Variants in CENPC observed in about 807,000 individuals in gnomAD.
The protein encoded by CENPC is CENP-C 1.
CENPC carries 63 observed loss-of-function variants against 112.1 expected under a neutral mutation model. The observed-to-expected ratio is 0.56, with a 90% CI of 0.46 to 0.69. The LOEUF (loss-of-function observed/expected upper bound fraction) is 0.69. Among genes scored for constraint, CENPC ranks in the 30% least tolerant of loss-of-function variants. CENPC has a pLI of 0.00. For synonymous variants in CENPC, 333 were observed against 367.6 expected (o/e 0.91, Z 1.08); for missense variants, 1,000 against 1,103.8 (o/e 0.91, Z 1.33).
At chr4:67,503,205 T>C (rs570155436) in intron 12 of CENPC, among the ~76,000 whole-genome samples, 6 of 152,196 alleles carry the variant, frequency 3.9e-5, no homozygotes, top group Non-Finnish European at 8.8e-5. Flanking sequence ...TCGTTCGCTC[T>C]CTTCCTCTGC....
chr4:67,512,717 C>A, intron 8 of CENPC, 148 bp from the exon 9 acceptor site: 2 of 579,346 alleles, frequency 3.5e-6, no homozygotes, highest in Non-Finnish European at 5.7e-6. Flanking sequence ...GTCACATGTT[C>A]TCTTTCTGTC....
intron 4 of CENPC, among the ~76,000 whole-genome samples, chr4:67,534,115 T>C (rs951456237): frequency 1.3e-5 from 2 of 150,918 alleles, no homozygotes; most frequent in African/African-American, 4.9e-5. Flanking sequence ...AAAAATTGTG[T>C]ATAGCAAGTA....
At chr4:67,509,251 CACACAT>C (rs1427003319) in intron 9 of CENPC, 146 bp from the exon 10 acceptor site, 9 of 376,044 alleles carry the variant, frequency 2.4e-5, no homozygotes, top group African/African-American at 1.8e-4. Flanking sequence ...CACACACACA[CACACAT>C]CTCAGGCTAA....
chr4:67,516,475 T>C (rs935065461), intron 7 of CENPC, among the ~76,000 whole-genome samples: 1 of 152,054 alleles, frequency 6.6e-6, no homozygotes, highest in African/African-American at 2.4e-5. Context: ...TATGTTTTTC[T>C]CTTTTAATTA....
chr4:67,517,374 C>G (rs1343526407), intron 7 of CENPC, among the ~76,000 whole-genome samples: 1 of 150,376 alleles, frequency 6.6e-6, no homozygotes, highest in African/African-American at 2.5e-5. Flanking sequence ...GTTGGTCAGG[C>G]TGGTCTTGAA....
chr4:67,472,737 G>C, intron 18 of CENPC, 62 bp from the exon 19 acceptor site: 1 of 1,382,054 alleles, frequency 7.2e-7, no homozygotes, highest in Non-Finnish European at 9.4e-7. Context: ...TTTTGATTAA[G>C]TATGTAGTCA....
rs1724695474 is a variant in CENPC at position 67,472,546 on chromosome 4, T to C, written c.*59A>G. The C allele has an allele frequency of 5.2e-6, 7 of 1,343,470 alleles. No homozygotes were observed. The South Asian group carries it at 6.6e-5, about 13-fold the overall frequency. The allele number at this position is 1,343,470 out of a possible 1,614,324, so 83.2% of individuals were successfully genotyped here. On this transcript the variant is annotated 3_prime_UTR_variant, in exon 19 of 19. Coordinates refer to ENST00000273853, the MANE Select transcript of CENPC (RefSeq NM_001812.4). The stretch of plus-strand genomic sequence containing the variant: ...ATTACAAAGACAAATATTCCAACTA[T>C]ACAAACTGTTTTTCACATATACATA...
chr4:67,493,034 A>G, intron 14 of CENPC, 37 bp from the exon 15 acceptor site: 10 of 1,469,436 alleles, frequency 6.8e-6, no homozygotes, highest in Non-Finnish European at 9.0e-6. Flanking sequence ...ATACATGGGA[A>G]AGACAAAATC....
intron 6 of CENPC, 122 bp downstream of exon 6, chr4:67,519,095 C>T: frequency 1.4e-6 from 1 of 703,038 alleles, no homozygotes; most frequent in South Asian, 2.6e-5. Context: ...TATACTTTCT[C>T]ATAACATGTT....
intron 12 of CENPC, among the ~76,000 whole-genome samples, chr4:67,498,779 A>G (rs1040098840): frequency 2.6e-5 from 4 of 152,204 alleles, no homozygotes; most frequent in Non-Finnish European, 5.9e-5. Context: ...GTTGGAATCA[A>G]CTTCTTCCAA....
chr4:67,529,660 T>C (rs1304226603), intron 5 of CENPC, among the ~76,000 whole-genome samples: 1 of 152,102 alleles, frequency 6.6e-6, no homozygotes, highest in Non-Finnish European at 1.5e-5. Context: ...GAAACATAAC[T>C]TATTTTGTAA....
chr4:67,513,508 C>T (rs1209914420), intron 8 of CENPC, among the ~76,000 whole-genome samples: 1 of 152,036 alleles, frequency 6.6e-6, no homozygotes, highest in Non-Finnish European at 1.5e-5. Flanking sequence ...ATGTCTTTTC[C>T]TAAGAAATTA....
intron 16 of CENPC, among the ~76,000 whole-genome samples, chr4:67,491,499 A>AGG (rs1725272763): frequency 1.5e-5 from 2 of 130,372 alleles, no homozygotes; most frequent in Admixed American, 1.5e-4. Flanking sequence ...AGAGAGAGAG[A>AGG]GAGAGAGAGA....
intron 11 of CENPC, among the ~76,000 whole-genome samples, chr4:67,505,870 T>C (rs1044885658): frequency 3.3e-5 from 5 of 151,928 alleles, no homozygotes; most frequent in African/African-American, 9.7e-5. Context: ...CTTAGTAAAT[T>C]CAAATGATAA....
chr4:67,530,251 G>A (rs1726506046), intron 5 of CENPC, among the ~76,000 whole-genome samples: 1 of 152,120 alleles, frequency 6.6e-6, no homozygotes, highest in African/African-American at 2.4e-5. Flanking sequence ...TGGCAATCAT[G>A]GAAATGGACA....
intron 17 of CENPC, among the ~76,000 whole-genome samples, chr4:67,484,298 C>T (rs1198100997): frequency 1.3e-5 from 2 of 152,170 alleles, no homozygotes; most frequent in African/African-American, 4.8e-5. Context: ...CATCTTATGA[C>T]GTTCATAAGA....
Position 67,506,500 on chromosome 4 carries a change from C to T in CENPC, c.2051+288G>A, listed in dbSNP as rs542444365. On this transcript the variant is annotated intron_variant, in intron 11 of 18. Coordinates refer to ENST00000273853, the MANE Select transcript of CENPC (RefSeq NM_001812.4). ...TAAGGTCTACTGGAAACAGCCAGAA[C>T]GGAACTGGGGTCTCCAGCCAACAGC... is the stretch of plus-strand genomic sequence containing the variant. Among the ~76,000 whole-genome samples the T allele has an allele frequency of 3.3e-4, 51 of 152,258 alleles. No homozygotes were observed. In the South Asian group the frequency reaches 3.9e-3, roughly 12 times the overall value.
At chr4:67,474,662 C>T (rs920985139) in intron 18 of CENPC, 4 of 425,154 alleles carry the variant, frequency 9.4e-6, no homozygotes, top group Non-Finnish European at 1.7e-5. Flanking sequence ...CGTGCCACTG[C>T]ACTCCAGCCT....
Position 67,519,278 on chromosome 4 carries a change from A to T in CENPC, c.556T>A (p.Phe186Ile). Residue 186 changes from phenylalanine to isoleucine, a missense_variant, in exon 6 of 19, where the codon TTT becomes ATT. Transcript: ENST00000273853. ...GGCAGCATATTTACTGAATTTTCAA[A>T]AGTGTAAGTCTCTCTCTTTTGGGCA... The part of the protein sequence containing the change: ...SSAQKRETYT[F>I]ENSVNMLPSS... 1.2e-6 allele frequency: 2 copies of T among 1,607,814 alleles called. No homozygotes were observed. The highest frequency in any genetic ancestry group is 2.2e-5 in the South Asian group (2 of 90,164).
Sources: allele counts gnomAD v4.1 joint callset (sites outside exome capture counted in the v4.1 genomes callset), GRCh38; gene constraint gnomAD v4.1.1; transcripts MANE v1.5; gene names NCBI Gene and HGNC (gene_info 2026-07-23, HGNC 2026-07-21).